Variants in TTI1 observed in about 807,000 individuals in gnomAD.
TTI1 encodes TELO2 interacting protein 1.
A neutral mutation model predicts 85.4 loss-of-function variants in TTI1; 52 were observed. The observed-to-expected ratio is 0.61, with a 90% CI of 0.49 to 0.77. The LOEUF (loss-of-function observed/expected upper bound fraction) is 0.77. TTI1 is among the 30% of genes least tolerant of loss of function. TTI1 has a pLI of 0.00. For missense variants in TTI1, 1,173 were observed against 1,296.0 expected, an observed-to-expected ratio of 0.91 and a Z score of 1.46; for synonymous variants, 512 against 503.9, an observed-to-expected ratio of 1.02 and a Z score of -0.22.
chr20:37,985,608 A>G (rs1221697540), intron 7 of TTI1, among the ~76,000 whole-genome samples: 1 of 151,656 alleles, frequency 6.6e-6, no homozygotes, highest in Non-Finnish European at 1.5e-5. Flanking sequence ...GCTCACTGCA[A>G]CCTTCACCTT....
At chr20:38,027,150 G>A (rs890486010) in intron 1 of TTI1, among the ~76,000 whole-genome samples, 6 of 152,006 alleles carry the variant, frequency 3.9e-5, no homozygotes, top group Admixed American at 6.6e-5. Flanking sequence ...GTCATCTCTC[G>A]GTATTCACCA....
chr20:38,012,461 G>A lies in TTI1; in HGVS notation c.1356C>T (p.Asn452=), dbSNP rs145339488. The A allele has an allele frequency of 1.2e-4, 200 of 1,614,216 alleles. No homozygotes were observed. In the African/African-American group the frequency reaches 2.5e-3, roughly 20 times the overall value. The change falls in exon 2 of 8, where the codon AAC becomes AAT. Residue 452 remains asparagine (N), a synonymous_variant. Coordinates refer to ENST00000373447, the MANE Select transcript of TTI1 (RefSeq NM_001303457.2). ...DIKIVEERRW[N]SDDLNASPKT... ...TTGGAGAAGCATTCAGATCATCAGA[G>A]TTCCAACGCCGTTCCTCAACAATCT...
At chr20:37,992,310 C>G (rs1301240273) in intron 7 of TTI1, among the ~76,000 whole-genome samples, 1 of 152,052 alleles carries the variant, frequency 6.6e-6, no homozygotes, top group Non-Finnish European at 1.5e-5. Flanking sequence ...GGGTCTCACT[C>G]TGTTGCCCAG....
At chr20:37,992,977 C>T (rs1371268876) in intron 7 of TTI1, among the ~76,000 whole-genome samples, 1 of 152,126 alleles carries the variant, frequency 6.6e-6, no homozygotes, top group African/African-American at 2.4e-5. Context: ...TGTCTGTAAT[C>T]CAACGCCTAC....
Position 38,012,522 on chromosome 20 carries a change from A to C in TTI1, c.1295T>G (p.Leu432Arg). 2 of 1,614,200 alleles carry C rather than the reference A, an allele frequency of 1.2e-6. No homozygotes were observed. The highest frequency in any genetic ancestry group is 1.7e-6 in the Non-Finnish European group (2 of 1,180,042). ...VAHLQRLSKA[L>R]IQVLELDVAD... The stretch of plus-strand genomic sequence containing the variant: ...CACGTCTAGCTCTAGAACTTGGATG[A>C]GTGCTTTGGAAAGCCGCTGGAGATG... The change falls in exon 2 of 8, where the codon CTC (leucine) becomes CGC (arginine). Residue 432 changes from leucine to arginine, a missense_variant. Coordinates refer to ENST00000373447, the MANE Select transcript of TTI1 (RefSeq NM_001303457.2).
chr20:38,014,544 A>G (rs1359562533), intron 1 of TTI1, among the ~76,000 whole-genome samples: 1 of 152,136 alleles, frequency 6.6e-6, no homozygotes, highest in African/African-American at 2.4e-5. Flanking sequence ...GGAGCCTGTA[A>G]TATGGGAGAA....
intron 1 of TTI1, among the ~76,000 whole-genome samples, chr20:38,023,088 T>C (rs2073791210): frequency 6.6e-6 from 1 of 152,198 alleles, no homozygotes; most frequent in Non-Finnish European, 1.5e-5. Context: ...AAAGCATTTT[T>C]CTTTTGTTGT....
intron 1 of TTI1, among the ~76,000 whole-genome samples, chr20:38,032,214 C>T (rs528218795): frequency 6.6e-6 from 1 of 152,336 alleles, no homozygotes; most frequent in East Asian, 1.9e-4. Context: ...TAATACCTCA[C>T]AGCTTTGTTG....
chr20:37,999,232 G>C lies in TTI1; in HGVS notation c.2749C>G (p.Arg917Gly). Residue 917 changes from arginine (R) to glycine (G), a missense_variant, in exon 5 of 8, where the codon CGA (arginine) becomes GGA (glycine). Transcript: ENST00000373447. ...GCCAGGGGGGCGTCCCGTGTGAGTC[G>C]GTGAACGAGCGAGGGCCAGGCCTGA... is the stretch of plus-strand genomic sequence containing the variant. The part of the protein sequence containing the change: ...AHQAWPSLVH[R>G]LTRDAPLAVL... 1.3e-6 allele frequency: 2 copies of C among 1,515,196 alleles called. No individual in the cohort carries two copies. The highest frequency in any genetic ancestry group is 1.8e-6 in the Non-Finnish European group (2 of 1,129,594). 93.9% of individuals were successfully genotyped at this position (1,515,196 alleles called of 1,614,324 possible).
rs199725074 is a variant in TTI1 at position 38,011,622 on chromosome 20, G to A, written c.2195C>T (p.Pro732Leu). The change falls in exon 2 of 8, where the codon CCT becomes CTT. Residue 732 changes from proline (P) to leucine (L), a missense_variant. Pro to Leu is a moderately conservative substitution (Grantham distance 98). Transcript: ENST00000373447. ...ATCTTGAACCACATCTGCCACCAAA[G>A]GAAGCAGGTTAGCATCTGAGTTCCG... is the stretch of plus-strand genomic sequence containing the variant. ...MLRNSDANLL[P>L]LVADVVQDVL... is the part of the protein sequence containing the mutation. 6.2e-7 allele frequency: 1 copy of A among 1,614,222 alleles called. No individual in the cohort carries two copies. The highest frequency in any genetic ancestry group is 1.3e-5 in the African/African-American group (1 of 75,056).
At chr20:38,011,458 C>G (rs1443029197) in intron 2 of TTI1, 57 bp downstream of exon 2, 3 of 1,566,660 alleles carry the variant, frequency 1.9e-6, no homozygotes, top group African/African-American at 1.4e-5. Flanking sequence ...GCTAAGCAAA[C>G]TAGGAGACTG....
rs900611834 is a variant in TTI1 at position 37,990,579 on chromosome 20, T to G, written c.3086+5796A>C. Among the ~76,000 whole-genome samples, 46 of 152,194 alleles carry G rather than the reference T, an allele frequency of 3.0e-4. 1 individual carries two copies. The highest frequency in any genetic ancestry group is 1.1e-3 in the African/African-American group (44 of 41,438). ...CAATAAAAATCTTTTAAAATACATC[T>G]ATACAATAAGACAAATAGAGATCAT... On this transcript the variant is annotated intron_variant, in intron 7 of 7. Transcript: ENST00000373447.
At chr20:38,011,119 C>T (rs1056969362) in intron 2 of TTI1, among the ~76,000 whole-genome samples, 2 of 152,296 alleles carry the variant, frequency 1.3e-5, no homozygotes, top group African/African-American at 2.4e-5. Flanking sequence ...AGCATAGATA[C>T]TGCTAACTCT....
In TTI1 at chr20:37,999,242, C is replaced by A; in HGVS notation, c.2739G>T (p.Ser913=). ...LLPLAHQAWP[S]LVHRLTRDAP... ...CGTCCCGTGTGAGTCGGTGAACGAGCGAGGGCCAGGCCTGATGAGCCAAGG... is the reference window on the plus strand; with the variant it reads ...CGTCCCGTGTGAGTCGGTGAACGAGAGAGGGCCAGGCCTGATGAGCCAAGG... The change falls in exon 5 of 8, where the codon TCG becomes TCT. Residue 913 remains serine (S), a synonymous_variant. Coordinates refer to ENST00000373447, the MANE Select transcript of TTI1 (RefSeq NM_001303457.2). 2 of 1,522,348 alleles carry A rather than the reference C, an allele frequency of 1.3e-6. No homozygotes were observed. The highest frequency in any genetic ancestry group is 1.3e-5 in the South Asian group (1 of 78,082). The allele number at this position is 1,522,348 out of a possible 1,614,324, so 94.3% of individuals were successfully genotyped here.
intron 5 of TTI1, 30 bp from the exon 6 acceptor site, chr20:37,996,983 G>C: frequency 1.2e-6 from 2 of 1,605,078 alleles, no homozygotes; most frequent in Non-Finnish European, 1.7e-6. Context: ...CCTGGTGAGT[G>C]AACATTGCCA....
chr20:37,995,682 G>C (rs971478765), intron 7 of TTI1, among the ~76,000 whole-genome samples: 2 of 149,830 alleles, frequency 1.3e-5, no homozygotes, highest in African/African-American at 5.1e-5. Flanking sequence ...CTGTTGTGCT[G>C]AGTTTTAGCT....
intron 1 of TTI1, among the ~76,000 whole-genome samples, chr20:38,020,583 A>C (rs1239906325): frequency 6.6e-6 from 1 of 151,810 alleles, no homozygotes; most frequent in African/African-American, 2.4e-5. Flanking sequence ...AAGTGACAGA[A>C]GATACTTGCT....
At chr20:38,007,910 T>C (rs1279842960) in intron 2 of TTI1, among the ~76,000 whole-genome samples, 2 of 152,198 alleles carry the variant, frequency 1.3e-5, no homozygotes, top group South Asian at 2.1e-4. Flanking sequence ...GGTTCCCAAA[T>C]AGTTAAAACC....
chr20:38,014,993 T>A (rs1452425892), intron 1 of TTI1, among the ~76,000 whole-genome samples: 1 of 152,120 alleles, frequency 6.6e-6, no homozygotes, highest in African/African-American at 2.4e-5. Flanking sequence ...GATGGAGGCT[T>A]AGAGATCATC....
Sources: allele counts gnomAD v4.1 joint callset (sites outside exome capture counted in the v4.1 genomes callset), GRCh38; gene constraint gnomAD v4.1.1; transcripts MANE v1.5; gene names NCBI Gene and HGNC (gene_info 2026-07-23, HGNC 2026-07-21).